C1orf21: variants seen among roughly 807,000 people sequenced by gnomAD.
C1orf21 encodes the protein uncharacterized protein C1orf21.
C1orf21 carries 3 observed loss-of-function variants against 18.7 expected under a neutral mutation model. The ratio of observed to expected loss-of-function variants is 0.16; its 90% CI spans 0.07 to 0.42. The LOEUF (loss-of-function observed/expected upper bound fraction) is 0.42. C1orf21 is among the 10% of genes least tolerant of loss of function. The pLI is 0.99. For missense variants in C1orf21, 104 were observed against 143.6 expected (o/e 0.72, Z 1.41); for synonymous variants, 41 against 46.4 (o/e 0.88, Z 0.47).
At chr1:184,533,191 G>GA in intron 3 of C1orf21, among the ~76,000 whole-genome samples, 1 of 151,854 alleles carries the variant, frequency 6.6e-6, no homozygotes, top group African/African-American at 2.4e-5. Context: ...TTCCCCACTA[G>GA]AGCCTGCACT....
At chr1:184,429,682 T>G (rs1475939828) in intron 1 of C1orf21, among the ~76,000 whole-genome samples, 1 of 147,440 alleles carries the variant, frequency 6.8e-6, no homozygotes, top group Non-Finnish European at 1.5e-5. Flanking sequence ...CACAAGACAG[T>G]GTTGGGTTTG....
At chr1:184,410,659 A>ATTTTTTT in intron 1 of C1orf21, among the ~76,000 whole-genome samples, 1 of 6,092 alleles carries the variant, frequency 1.6e-4, no homozygotes, top group Non-Finnish European at 2.4e-4. Flanking sequence ...ATATATATAT[A>ATTTTTTT]TATATTTTTT....
intron 5 of C1orf21, 59 bp downstream of exon 5, chr1:184,598,520 T>C (rs967432959): frequency 2.1e-6 from 3 of 1,431,924 alleles, no homozygotes; most frequent in African/African-American, 2.8e-5. Flanking sequence ...TGGCTTCATA[T>C]GTGAGGGCAA....
chr1:184,564,480 G>T (rs992733462), intron 3 of C1orf21, among the ~76,000 whole-genome samples: 1 of 151,976 alleles, frequency 6.6e-6, no homozygotes, highest in Non-Finnish European at 1.5e-5. Context: ...GCTGATTTTT[G>T]TATTTTTAGT....
At chr1:184,470,843 C>G (rs1476145511) in intron 1 of C1orf21, among the ~76,000 whole-genome samples, 1 of 151,682 alleles carries the variant, frequency 6.6e-6, no homozygotes, top group East Asian at 1.9e-4. Context: ...CACACCACTG[C>G]ACTCCAGCTT....
rs114497485 is a variant in C1orf21, at chr1:184,531,704, A to G, written c.189+24022A>G. Among the ~76,000 whole-genome samples the G allele has an allele frequency of 4.3e-3, 656 of 152,116 alleles. 5 individuals are homozygous for G. Among genetic ancestry groups the G allele is most frequent in the Middle Eastern group, 0.01 (3 of 294 alleles). ...CTCCAATTTTTGGAGTGTTTATCAT[A>G]TGGAAGCCGACTTTAAATTTCATTT... On this transcript the variant is annotated intron_variant, in intron 3 of 5. Coordinates refer to ENST00000235307, the MANE Select transcript of C1orf21 (RefSeq NM_030806.4).
intron 3 of C1orf21, among the ~76,000 whole-genome samples, chr1:184,584,288 C>G (rs756776944): frequency 5.9e-5 from 9 of 152,064 alleles, no homozygotes; most frequent in Non-Finnish European, 1.3e-4. Context: ...ACACATGCTC[C>G]TAAGGTGGAT....
At chr1:184,525,327 C>G (rs954355043) in intron 3 of C1orf21, among the ~76,000 whole-genome samples, 3 of 152,086 alleles carry the variant, frequency 2.0e-5, no homozygotes, top group African/African-American at 7.2e-5. Flanking sequence ...GCTCTTCCTA[C>G]TATATTTCAG....
chr1:184,469,112 T>A (rs1657452621), intron 1 of C1orf21, among the ~76,000 whole-genome samples: 1 of 151,530 alleles, frequency 6.6e-6, no homozygotes, highest in East Asian at 2.0e-4. Context: ...CAGCCAGGCA[T>A]GGTGGCACGT....
intron 3 of C1orf21, among the ~76,000 whole-genome samples, chr1:184,550,595 T>G (rs961907826): frequency 2.0e-5 from 3 of 152,142 alleles, no homozygotes; most frequent in Non-Finnish European, 4.4e-5. Flanking sequence ...AGTGCAGTGG[T>G]GCAATCCTGG....
intron 3 of C1orf21, among the ~76,000 whole-genome samples, chr1:184,519,471 A>G (rs1365874771): frequency 6.6e-6 from 1 of 152,146 alleles, no homozygotes; most frequent in Non-Finnish European, 1.5e-5. Flanking sequence ...TAGATAGTGG[A>G]TTTATTTATC....
intron 2 of C1orf21, among the ~76,000 whole-genome samples, chr1:184,484,462 G>A (rs10911599): frequency 0.57 from 86,828 of 152,074 alleles, 27,706 homozygotes; most frequent in African/African-American, 0.87. Context: ...AATACTTTTT[G>A]TTTATTTGAT....
At position 184,615,763 on chromosome 1, in the gene C1orf21, A is replaced by G. The variant is rs371851584; in HGVS notation, c.328-3755A>G. 2.3e-4 allele frequency among the ~76,000 whole-genome samples: 35 copies of G among 152,318 alleles called. No individual in the cohort carries two copies. The South Asian group carries it at 5.0e-3, about 22-fold the overall frequency. On this transcript the variant is annotated intron_variant, in intron 5 of 5. Transcript: ENST00000235307. The stretch of plus-strand genomic sequence containing the variant: ...CTGAGATGGGGCCCCTCCAATGACA[A>G]TTCTCTCAAATCCCCTTTATTTTTA...
chr1:184,397,386 A>G (rs1045561080), intron 1 of C1orf21, among the ~76,000 whole-genome samples: 1 of 152,148 alleles, frequency 6.6e-6, no homozygotes, highest in African/African-American at 2.4e-5. Context: ...GGAGATCAAG[A>G]CCATCCTGGC....
In C1orf21 at chr1:184,395,316, T is replaced by C. The variant is rs754386065; in HGVS notation, c.-125+7948T>C. Among the ~76,000 whole-genome samples, 86 of 152,130 alleles carry C rather than the reference T, an allele frequency of 5.7e-4. 1 individual carries two copies. The highest frequency in any genetic ancestry group is 1.1e-3 in the Non-Finnish European group (73 of 68,036). On this transcript the variant is annotated intron_variant, in intron 1 of 5. Coordinates refer to ENST00000235307, the MANE Select transcript of C1orf21 (RefSeq NM_030806.4). ...TTGTCATTGATCCTGAGGCTCACAG[T>C]TTCTGTCTATGAAGACCTTGCTCCC...
intron 1 of C1orf21, among the ~76,000 whole-genome samples, chr1:184,436,834 G>T (rs1656865726): frequency 6.6e-6 from 1 of 152,116 alleles, no homozygotes. Context: ...TCTAAGAGAG[G>T]TGACAGCCAT....
At chr1:184,590,431 A>G (rs1183024564) in intron 3 of C1orf21, among the ~76,000 whole-genome samples, 1 of 152,210 alleles carries the variant, frequency 6.6e-6, no homozygotes, top group African/African-American at 2.4e-5. Flanking sequence ...GTTTCTCTTG[A>G]TACTAGATCT....
chr1:184,495,417 AT>A (rs769281617), intron 2 of C1orf21, among the ~76,000 whole-genome samples: 11 of 152,194 alleles, frequency 7.2e-5, no homozygotes, highest in Admixed American at 3.3e-4. Flanking sequence ...GACAGAACAA[AT>A]ACGCAAATGA....
chr1:184,433,455 A>G (rs191764031), intron 1 of C1orf21, among the ~76,000 whole-genome samples: 7 of 152,236 alleles, frequency 4.6e-5, no homozygotes, highest in East Asian at 1.9e-4. Context: ...GATGCTTCCA[A>G]TTGTTCCCAT....
Sources: allele counts gnomAD v4.1 joint callset (sites outside exome capture counted in the v4.1 genomes callset), GRCh38; gene constraint gnomAD v4.1.1; transcripts MANE v1.5; gene names NCBI Gene and HGNC (gene_info 2026-07-23, HGNC 2026-07-21).